Variants in MYCBP2 observed in about 807,000 individuals in gnomAD.
The protein encoded by MYCBP2 is MYC binding protein 2, also known as E3 ubiquitin-protein ligase MYCBP2.
MYCBP2 carries 120 observed loss-of-function variants against 525.3 expected under a neutral mutation model. That is an observed-to-expected ratio of 0.23 (90% CI 0.20 to 0.27). MYCBP2 has a LOEUF of 0.27. MYCBP2 is among the 10% of genes least tolerant of loss of function. MYCBP2 has a pLI of 1.00. For missense variants in MYCBP2, 4,149 were observed against 5,657.1 expected, an observed-to-expected ratio of 0.73 and a Z score of 8.55; for synonymous variants, 1,894 against 1,955.8, an observed-to-expected ratio of 0.97 and a Z score of 0.83.
In MYCBP2 at chr13:77,326,986, C is replaced by T; in HGVS notation, c.-211G>A. Reference sequence around the variant, plus strand: ...CGCCCTCGCCGCTACTGGGGCCGCTCATCTAACCCCGCCACCCCGGGAATG... The same window carrying T: ...CGCCCTCGCCGCTACTGGGGCCGCTTATCTAACCCCGCCACCCCGGGAATG... On this transcript the variant is annotated 5_prime_UTR_variant, in exon 1 of 83. It removes an upstream start codon present in the reference 5' UTR. Transcript: ENST00000544440. The surrounding 1 kb of genome is among the most constrained non-coding windows in gnomAD (Gnocchi z 4.2). The T allele has an allele frequency of 2.1e-6, 1 of 466,476 alleles. No homozygotes were observed. The highest frequency in any genetic ancestry group is 3.6e-6 in the Non-Finnish European group (1 of 276,902). The allele number at this position is 466,476 out of a possible 1,614,324, so 28.9% of individuals were successfully genotyped here.
intron 37 of MYCBP2, 77 bp downstream of exon 37, chr13:77,174,234 A>G (rs2059404126): frequency 7.4e-7 from 1 of 1,358,954 alleles, no homozygotes; most frequent in Non-Finnish European, 1.0e-6. Flanking sequence ...GTATCCAGTT[A>G]GCAATTTTAC....
chr13:77,120,197 G>C (rs944037965), intron 55 of MYCBP2, among the ~76,000 whole-genome samples: 3 of 151,930 alleles, frequency 2.0e-5, no homozygotes, highest in Non-Finnish European at 4.4e-5. Context: ...TAAAGAGAAA[G>C]GGACATAAAG....
rs71434864 is a variant in MYCBP2, at chr13:77,286,099, G to A, written c.594+2062C>T. 5.0e-3 allele frequency among the ~76,000 whole-genome samples: 761 copies of A among 152,296 alleles called. 1 individual carries two copies. Among genetic ancestry groups the A allele is most frequent in the Non-Finnish European group, 8.0e-3 (547 of 68,024 alleles). On this transcript the variant is annotated intron_variant, in intron 3 of 82. Transcript: ENST00000544440. ...TGAAATATGAAGCAAGCCATCTGCC[G>A]AGAATAAGGTGAGAAGAACCTGACA...
intron 58 of MYCBP2, among the ~76,000 whole-genome samples, chr13:77,094,408 G>C (rs760034174): frequency 1.6e-4 from 25 of 152,090 alleles, no homozygotes; most frequent in Non-Finnish European, 2.8e-4. Flanking sequence ...CTCCACATTA[G>C]CTTCCACATT....
rs79448613 is a variant in MYCBP2, at chr13:77,106,735, T to C, written c.8141-7722A>G. Reference sequence around the variant, plus strand: ...TCTCTTTAAGTTCCTTTTTTTTCTTTCCAATTTTTTTCTTTCCAACTTTTA... The same window carrying C: ...TCTCTTTAAGTTCCTTTTTTTTCTTCCCAATTTTTTTCTTTCCAACTTTTA... On this transcript the variant is annotated intron_variant, in intron 55 of 82. Transcript: ENST00000544440. 5.6e-3 allele frequency among the ~76,000 whole-genome samples: 846 copies of C among 152,080 alleles called. 5 individuals carry two copies. The highest frequency in any genetic ancestry group is 0.019 in the African/African-American group (786 of 41,560).
intron 30 of MYCBP2, among the ~76,000 whole-genome samples, chr13:77,186,635 A>G (rs2060748245): frequency 6.6e-6 from 1 of 152,128 alleles, no homozygotes; most frequent in African/African-American, 2.4e-5. Flanking sequence ...TTGATTATTT[A>G]AAATTCTAGC....
intron 55 of MYCBP2, among the ~76,000 whole-genome samples, chr13:77,105,088 G>A (rs139244139): frequency 6.6e-6 from 1 of 152,144 alleles, no homozygotes; most frequent in East Asian, 1.9e-4. Context: ...CTGAATGGAA[G>A]AGTTAATTCA....
At chr13:77,124,455 T>C (rs1043171272) in intron 54 of MYCBP2, among the ~76,000 whole-genome samples, 4 of 152,232 alleles carry the variant, frequency 2.6e-5, no homozygotes, top group African/African-American at 9.6e-5. Flanking sequence ...CTATAAATTT[T>C]GGGATTTGGC....
intron 21 of MYCBP2, among the ~76,000 whole-genome samples, chr13:77,217,281 A>G (rs956239108): frequency 1.3e-5 from 2 of 152,226 alleles, no homozygotes; most frequent in South Asian, 2.1e-4. Flanking sequence ...ATTTTTCTTG[A>G]TATCTACTAT....
chr13:77,199,107 T>G (rs2062109505), intron 26 of MYCBP2, among the ~76,000 whole-genome samples: 1 of 152,140 alleles, frequency 6.6e-6, no homozygotes, highest in Non-Finnish European at 1.5e-5. Flanking sequence ...GACGGGTGAT[T>G]TCTGCATTTC....
Position 77,126,506 on chromosome 13 carries a change from T to G in MYCBP2, c.7696A>C (p.Ile2566Leu), listed in dbSNP as rs930158513. 5 of 1,613,692 alleles carry G rather than the reference T, an allele frequency of 3.1e-6. No individual in the cohort carries two copies. Among genetic ancestry groups the G allele is most frequent in the Non-Finnish European group, 2.5e-6 (3 of 1,179,804 alleles). Residue 2566 changes from isoleucine to leucine, a missense_variant, in exon 53 of 83, where the codon ATA becomes CTA. This residue lies in a region of MYCBP2 where 692 missense variants were observed against 852.7 expected (regional missense o/e 0.81). Transcript: ENST00000544440. ...KTNTDDFFKD[I>L]NSCCPQEATM... ...GCTTCCTGTGGGCAGCAGGAGTTTA[T>G]GTCTTTGAAAAAGTCATCAGTATTA...
At chr13:77,293,106 G>C (rs907042300) in intron 2 of MYCBP2, among the ~76,000 whole-genome samples, 3 of 152,240 alleles carry the variant, frequency 2.0e-5, no homozygotes, top group Non-Finnish European at 4.4e-5. Context: ...TCTATGTCAG[G>C]CTCAGCTACT....
chr13:77,262,399 C>T (rs1014853013), intron 10 of MYCBP2, among the ~76,000 whole-genome samples: 25 of 151,944 alleles, frequency 1.6e-4, no homozygotes, highest in African/African-American at 5.8e-4. Context: ...AATTCAATGT[C>T]AGCAATATTC....
At chr13:77,144,385 A>T in intron 49 of MYCBP2, 60 bp downstream of exon 49, 1 of 1,223,424 alleles carries the variant, frequency 8.2e-7, no homozygotes, top group Non-Finnish European at 1.2e-6. Context: ...TAGAAGATAA[A>T]AATAATTTTG....
chr13:77,297,427 A>G (rs2078307461), intron 1 of MYCBP2, among the ~76,000 whole-genome samples: 1 of 152,178 alleles, frequency 6.6e-6, no homozygotes, highest in Non-Finnish European at 1.5e-5. Context: ...TAACAAGAGG[A>G]TACTACTGCT....
At chr13:77,281,833 A>G (rs778292157) in intron 3 of MYCBP2, among the ~76,000 whole-genome samples, 4 of 152,190 alleles carry the variant, frequency 2.6e-5, no homozygotes, top group Non-Finnish European at 5.9e-5. Flanking sequence ...GGATTTAATA[A>G]TTAATTCTTT....
intron 26 of MYCBP2, among the ~76,000 whole-genome samples, chr13:77,196,756 T>C (rs1309287259): frequency 6.6e-6 from 1 of 152,066 alleles, no homozygotes; most frequent in African/African-American, 2.4e-5. Flanking sequence ...GTATTGAATA[T>C]GTTACCTCCA....
At chr13:77,105,618 GA>G (rs371822880) in intron 55 of MYCBP2, among the ~76,000 whole-genome samples, 3,458 of 151,806 alleles carry the variant, frequency 0.023, 57 homozygotes, top group Middle Eastern at 0.09. Context: ...ATACACAAAA[GA>G]AAAAAAGTTG....
At chr13:77,225,261 C>T (rs759410119) in intron 19 of MYCBP2, among the ~76,000 whole-genome samples, 174 bp downstream of exon 19, 9 of 152,114 alleles carry the variant, frequency 5.9e-5, no homozygotes, top group Non-Finnish European at 1.3e-4. Context: ...TTCCATCATG[C>T]CATAGTTGTT....
Sources: gnomAD v4.1 joint callset for allele counts (sites outside exome capture counted in the v4.1 genomes callset) on GRCh38, gnomAD v4.1.1 for gene constraint, gnomAD v4.1.1 regional missense constraint, Gnocchi (gnomAD v3.1) non-coding constraint, MANE v1.5 for transcripts, NCBI Gene and HGNC (gene_info 2026-07-23, HGNC 2026-07-21) for gene names.